The following NME1 variants were observed in gnomAD, a reference collection of about 807,000 sequenced individuals.
NME1 encodes the protein NME/NM23 nucleoside diphosphate kinase 1.
In NME1, 9 loss-of-function variants were observed where a neutral mutation model predicts 17.2. The observed-to-expected ratio is 0.52, with a 90% CI of 0.32 to 0.92. NME1 has a LOEUF of 0.92. NME1 is among the 40% of genes least tolerant of loss of function. NME1 has a pLI of 0.04. For synonymous variants in NME1, 72 were observed against 70.8 expected, an observed-to-expected ratio of 1.02 and a Z score of -0.09; for missense variants, 169 against 201.7, an observed-to-expected ratio of 0.84 and a Z score of 0.98.
chr17:51,160,343 G>A (rs2049847306), intron 3 of NME1: 2 of 544,050 alleles, frequency 3.7e-6, no homozygotes, highest in South Asian at 3.7e-5. Context: ...CGATCTGAAT[G>A]ACAAGAAGCA....
At chr17:51,161,102 C>G (rs1411024802) in intron 3 of NME1, 58 bp from the exon 4 acceptor site, 10 of 1,534,368 alleles carry the variant, frequency 6.5e-6, no homozygotes, top group Non-Finnish European at 8.9e-6. Context: ...TAATAGTTGC[C>G]AGATTTTCTG....
At chr17:51,155,512 A>T (rs1214373214) in intron 1 of NME1, 139 bp from the exon 2 acceptor site, 3 of 1,194,860 alleles carry the variant, frequency 2.5e-6, no homozygotes, top group East Asian at 2.6e-5. Flanking sequence ...ACTGGGGAGG[A>T]ATTGGGTTTT....
intron 2 of NME1, among the ~76,000 whole-genome samples, chr17:51,157,797 T>A (rs2049808250): frequency 6.6e-6 from 1 of 152,178 alleles, no homozygotes; most frequent in South Asian, 2.1e-4. Context: ...TGAGTGCAGA[T>A]ACTTTCTCCT....
At chr17:51,155,513 A>C in intron 1 of NME1, 138 bp from the exon 2 acceptor site, 2 of 1,215,134 alleles carry the variant, frequency 1.6e-6, no homozygotes, top group Non-Finnish European at 1.2e-6. Flanking sequence ...CTGGGGAGGA[A>C]TTGGGTTTTT....
At chr17:51,158,483 T>G (rs1028007933) in intron 2 of NME1, among the ~76,000 whole-genome samples, 1 of 152,190 alleles carries the variant, frequency 6.6e-6, no homozygotes, top group African/African-American at 2.4e-5. Flanking sequence ...AACCAATTAA[T>G]AGAATTAAAA....
chr17:51,156,892 CAAAAAA>C (rs71355724), intron 2 of NME1, among the ~76,000 whole-genome samples: 1 of 86,924 alleles, frequency 1.2e-5, no homozygotes, highest in South Asian at 4.1e-4. Flanking sequence ...ACTCCATCTC[CAAAAAA>C]AAAAAAAAAA....
At chr17:51,154,256 A>G in intron 1 of NME1, 1 of 892,858 alleles carries the variant, frequency 1.1e-6, no homozygotes, top group Non-Finnish European at 1.9e-6. Flanking sequence ...GAGTCTCTAC[A>G]CAGGACTAAG....
At chr17:51,159,562 A>T (rs563763165) in intron 2 of NME1, among the ~76,000 whole-genome samples, 1 of 152,120 alleles carries the variant, frequency 6.6e-6, no homozygotes, top group Non-Finnish European at 1.5e-5. Flanking sequence ...ACGCCACTGC[A>T]CTCCAGCCTG....
intron 1 of NME1, 53 bp from the exon 2 acceptor site, chr17:51,155,598 G>C: frequency 6.2e-7 from 1 of 1,608,172 alleles, no homozygotes; most frequent in East Asian, 2.2e-5. Context: ...GACGGATGAC[G>C]CTGTAGGCAA....
intron 1 of NME1, chr17:51,154,362 T>C: frequency 6.2e-7 from 1 of 1,613,756 alleles, no homozygotes; most frequent in Non-Finnish European, 8.5e-7. Flanking sequence ...GACAGGAAGA[T>C]GGGGCCAAGA....
At position 51,161,140 on chromosome 17, in the gene NME1, ATCT is replaced by A. The variant is rs1420480989; in HGVS notation, c.229-13_229-11del. On this transcript the variant is annotated splice_polypyrimidine_tract_variant and intron_variant, in intron 3 of 4. Coordinates refer to ENST00000393196, the MANE Select transcript of NME1 (RefSeq NM_000269.3). ...GTGATTGGTTTTCTTCTTTGACCATATCTTCTTCTGTCCTTGGAGGTCTGGGAG... is the reference window on the plus strand; with the variant it reads ...GTGATTGGTTTTCTTCTTTGACCATATCTTCTGTCCTTGGAGGTCTGGGAG... 12 of 1,599,348 alleles carry A rather than the reference ATCT, an allele frequency of 7.5e-6. No homozygotes were observed. In the African/African-American group the frequency reaches 1.2e-4, roughly 16 times the overall value.
At chr17:51,156,603 C>G (rs1180615796) in intron 2 of NME1, 3 of 152,308 alleles carry the variant, frequency 2.0e-5, no homozygotes, top group African/African-American at 7.2e-5. Flanking sequence ...ATAAGAATTG[C>G]TTGAACCAGC....
chr17:51,159,948 G>A lies in NME1; in HGVS notation c.127-32G>A, dbSNP rs761505034. ...GATTATATGTCCTTAGATGGTTTGG[G>A]GGTTATTCTCATTCTCTGTCCTGTT... On this transcript the variant is annotated intron_variant, in intron 2 of 4. Coordinates refer to ENST00000393196, the MANE Select transcript of NME1 (RefSeq NM_000269.3). The A allele has an allele frequency of 4.3e-6, 7 of 1,611,772 alleles. No homozygotes were observed. In the African/African-American group the frequency reaches 8.0e-5, roughly 18 times the overall value.
At chr17:51,154,093 A>G (rs34666604) in intron 1 of NME1, 85,119 of 457,708 alleles carry the variant, frequency 0.19, 8,739 homozygotes, top group African/African-American at 0.29. Flanking sequence ...TTTCTCCTGG[A>G]CAATTTATGC....
chr17:51,155,501 G>A (rs901266991), intron 1 of NME1, 150 bp from the exon 2 acceptor site: 8 of 1,021,156 alleles, frequency 7.8e-6, no homozygotes, highest in African/African-American at 1.6e-5. Flanking sequence ...TAGATCAGGG[G>A]ACTGGGGAGG....
intron 4 of NME1, 84 bp downstream of exon 4, chr17:51,161,356 A>G: frequency 8.3e-7 from 1 of 1,204,076 alleles, no homozygotes; most frequent in Non-Finnish European, 1.2e-6. Flanking sequence ...GGAGGTAGAC[A>G]TGATACCATA....
In NME1 at chr17:51,159,832, C is replaced by G. The variant is rs553523165; in HGVS notation, c.127-148C>G. 1.6e-3 allele frequency: 1,376 copies of G among 854,620 alleles called. 2 individuals are homozygous for G. Among genetic ancestry groups the G allele is most frequent in the Non-Finnish European group, 2.3e-3 (1,196 of 517,948 alleles). The allele number at this position is 854,620 out of a possible 1,614,324, so 52.9% of individuals were successfully genotyped here. ...CATTTAGTCCTGTCACTGCTCCCTT[C>G]CAGTGTGGAGAATGAATTGGGTTAT... On this transcript the variant is annotated intron_variant, in intron 2 of 4. Transcript: ENST00000393196.
chr17:51,154,250 C>G (rs951394316), intron 1 of NME1: 1 of 846,504 alleles, frequency 1.2e-6, no homozygotes, highest in Admixed American at 1.8e-5. Flanking sequence ...ACCATAGAGT[C>G]TCTACACAGG....
chr17:51,155,665 G>A lies in NME1; in HGVS notation c.11G>A (p.Cys4Tyr), dbSNP rs2049775096. MAN[C>Y]ERTFIAIKPD... ...CCTATCCCCAGAACCATGGCCAACTGTGAGCGTACCTTCATTGCGATCAAA... is the reference window on the plus strand; with the variant it reads ...CCTATCCCCAGAACCATGGCCAACTATGAGCGTACCTTCATTGCGATCAAA... Residue 4 changes from cysteine (C) to tyrosine (Y), a missense_variant, in exon 2 of 5, where the codon TGT becomes TAT. Cys to Tyr is a radical substitution (Grantham distance 194, BLOSUM62 -2). Transcript: ENST00000393196. 4 of 1,613,896 alleles carry A rather than the reference G, an allele frequency of 2.5e-6. No homozygotes were observed. The highest frequency in any genetic ancestry group is 3.4e-6 in the Non-Finnish European group (4 of 1,179,932).
Sources: allele counts gnomAD v4.1 joint callset (sites outside exome capture counted in the v4.1 genomes callset), GRCh38; gene constraint gnomAD v4.1.1; transcripts MANE v1.5; gene names NCBI Gene and HGNC (gene_info 2026-07-23, HGNC 2026-07-21).